Variants in ITGA11 observed in about 807,000 individuals in gnomAD.
ITGA11 encodes the protein integrin alpha-11.
Under a neutral mutation model 141.9 loss-of-function variants are expected in ITGA11, and 97 were observed. The ratio of observed to expected loss-of-function variants is 0.68; its 90% confidence interval spans 0.58 to 0.81. The LOEUF (loss-of-function observed/expected upper bound fraction) is 0.81. Among genes scored for constraint, ITGA11 ranks in the 30% least tolerant of loss-of-function variants. The pLI, the probability that ITGA11 is intolerant of heterozygous loss-of-function variation, is 0.00. For missense variants in ITGA11, 1,387 were observed against 1,559.2 expected (o/e 0.89, Z 1.86); for synonymous variants, 658 against 624.6 (o/e 1.05, Z -0.80).
Position 68,326,890 on chromosome 15 carries a change from G to A in ITGA11, c.2069-94C>T, listed in dbSNP as rs1458154206. On this transcript the variant is annotated intron_variant, in intron 16 of 29. Transcript: ENST00000315757. This position sits in a 1 kb window ranked among gnomAD's most constrained non-coding sequence, Gnocchi z 6.8. Reference sequence around the variant, plus strand: ...CCAGGAAGCCCCCCAGGCTGGCCAGGGGAGAGCTGTTCCTTTCCTCTCACG... The same window carrying A: ...CCAGGAAGCCCCCCAGGCTGGCCAGAGGAGAGCTGTTCCTTTCCTCTCACG... 1.5e-6 allele frequency: 2 copies of A among 1,377,696 alleles called. No homozygotes were observed. The highest frequency in any genetic ancestry group is 5.1e-5 in the East Asian group (2 of 39,300). 85.3% of individuals were successfully genotyped at this position (1,377,696 alleles called of 1,614,324 possible). A position where few individuals can be genotyped will look rare whatever the true frequency, so the allele number is the denominator to read the frequency against.
chr15:68,314,130 C>T (rs188215486), intron 22 of ITGA11, among the ~76,000 whole-genome samples: 49 of 152,302 alleles, frequency 3.2e-4, no homozygotes, highest in African/African-American at 1.2e-3. Flanking sequence ...TGTGCCTGGC[C>T]TGGCACGGAC....
chr15:68,382,324 C>T (rs73431892), intron 2 of ITGA11, among the ~76,000 whole-genome samples: 13,254 of 152,196 alleles, frequency 0.087, 901 homozygotes, highest in African/African-American at 0.19. Context: ...TGAGCCATCC[C>T]GGAGCTGGGC....
Position 68,319,936 on chromosome 15 carries a change from A to AT in ITGA11, c.2616+248dup, listed in dbSNP as rs3837690. ...GCAGGCTTTTTAAAGCTCTCCTGTG[A>AT]TTTTTTTTTTTATTTAATTACTTTA... On this transcript the variant is annotated intron_variant, in intron 20 of 29. Coordinates refer to ENST00000315757, the MANE Select transcript of ITGA11 (RefSeq NM_001004439.2). 3.6e-3 allele frequency among the ~76,000 whole-genome samples: 541 copies of AT among 148,668 alleles called. 13 individuals carry two copies. In the East Asian group the frequency reaches 0.062, roughly 17 times the overall value.
chr15:68,403,931 C>A (rs1017977842), intron 1 of ITGA11, among the ~76,000 whole-genome samples: 1 of 152,120 alleles, frequency 6.6e-6, no homozygotes, highest in Non-Finnish European at 1.5e-5. Context: ...AGACCCTGTA[C>A]ATGGATAGGG....
chr15:68,418,778 TCAGA>T (rs1214350947), intron 1 of ITGA11, among the ~76,000 whole-genome samples: 4 of 151,714 alleles, frequency 2.6e-5, no homozygotes, highest in South Asian at 4.2e-4. Flanking sequence ...CTCAAAGAGC[TCAGA>T]CAGTTTGGTT....
chr15:68,432,047 A>G lies in ITGA11; in HGVS notation c.20T>C (p.Leu7Pro), dbSNP rs1897281562. ...CAGGCTGAGCGCCCAGGCCACCACC[A>G]GGCCCCTGGGCAGGTCCATGGCCCG... The part of the protein sequence containing the change: MDLPRG[L>P]VVAWALSLWP... The change falls in exon 1 of 30, where the codon CTG (leucine) becomes CCG (proline). Residue 7 changes from leucine to proline, a missense_variant. Leu to Pro is a moderately conservative substitution (Grantham distance 98, BLOSUM62 -3). Transcript: ENST00000315757. 1 of 1,348,536 alleles carries G rather than the reference A, an allele frequency of 7.4e-7. No individual in the cohort carries two copies. The highest frequency in any genetic ancestry group is 9.5e-7 in the Non-Finnish European group (1 of 1,048,730). The allele number at this position is 1,348,536 out of a possible 1,614,324, so 83.5% of individuals were successfully genotyped here. A position where few individuals can be genotyped will look rare whatever the true frequency, so the allele number is the denominator to read the frequency against.
chr15:68,372,104 G>A (rs1370930714), intron 2 of ITGA11, among the ~76,000 whole-genome samples: 1 of 152,184 alleles, frequency 6.6e-6, no homozygotes, highest in Non-Finnish European at 1.5e-5. Flanking sequence ...GTTCTCCTGG[G>A]ACAGCTTCCT....
intron 1 of ITGA11, among the ~76,000 whole-genome samples, chr15:68,418,578 C>G (rs1377568246): frequency 7.0e-6 from 1 of 143,064 alleles, no homozygotes; most frequent in Non-Finnish European, 1.5e-5. Flanking sequence ...CCCCCCCACC[C>G]CCTTCCTGAG....
rs551361109 is a variant in ITGA11, at chr15:68,320,107, T to C, written c.2616+78A>G. Reference sequence around the variant, plus strand: ...ATCCAGCTTTCTTGTGATTCCAACATGTAGCCAGGAGCCCACCTGGCCTTC... The same window carrying C: ...ATCCAGCTTTCTTGTGATTCCAACACGTAGCCAGGAGCCCACCTGGCCTTC... On this transcript the variant is annotated intron_variant, in intron 20 of 29. Coordinates refer to ENST00000315757, the MANE Select transcript of ITGA11 (RefSeq NM_001004439.2). 4.4e-5 allele frequency: 55 copies of C among 1,262,992 alleles called. No homozygotes were observed. In the African/African-American group the frequency reaches 6.9e-4, roughly 16 times the overall value. The allele number at this position is 1,262,992 out of a possible 1,614,324, so 78.2% of individuals were successfully genotyped here.
chr15:68,370,981 T>G (rs8030943), intron 2 of ITGA11, among the ~76,000 whole-genome samples: 1 of 152,214 alleles, frequency 6.6e-6, no homozygotes, highest in East Asian at 1.9e-4. Context: ...GTGGGAGTTA[T>G]AGAACTCTGT....
intron 1 of ITGA11, among the ~76,000 whole-genome samples, chr15:68,406,726 G>A (rs921450429): frequency 6.6e-6 from 1 of 152,192 alleles, no homozygotes; most frequent in South Asian, 2.1e-4. Flanking sequence ...CCAGCTCGTA[G>A]ATACTGGTTG....
At chr15:68,367,953 C>T (rs549893967) in intron 3 of ITGA11, among the ~76,000 whole-genome samples, 1 of 152,228 alleles carries the variant, frequency 6.6e-6, no homozygotes, top group Non-Finnish European at 1.5e-5. Flanking sequence ...GCACCCTCTT[C>T]CCTTAGACGA....
chr15:68,429,660 G>A (rs1324016502), intron 1 of ITGA11, among the ~76,000 whole-genome samples: 2 of 152,174 alleles, frequency 1.3e-5, no homozygotes, highest in East Asian at 1.9e-4. Flanking sequence ...ATGCATGGAT[G>A]AGGTATCAAC....
At chr15:68,343,021 C>CTG (rs1271478393) in intron 10 of ITGA11, among the ~76,000 whole-genome samples, 2 of 150,596 alleles carry the variant, frequency 1.3e-5, no homozygotes, top group Non-Finnish European at 3.0e-5. Flanking sequence ...CTCTCTCTCT[C>CTG]TCTCTCTCTC....
chr15:68,302,980 G>T lies in ITGA11; in HGVS notation c.*79C>A. 1 of 1,212,820 alleles carries T rather than the reference G, an allele frequency of 8.2e-7. No individual in the cohort carries two copies. Among genetic ancestry groups the T allele is most frequent in the Non-Finnish European group, 1.2e-6 (1 of 863,390 alleles). 75.1% of individuals were successfully genotyped at this position (1,212,820 alleles called of 1,614,324 possible). ...CTGGCTTCCTCTCCGCTCCAGCTCG[G>T]TGGGGCCACAGGCCTGGGTCTCAAC... On this transcript the variant is annotated 3_prime_UTR_variant, in exon 30 of 30. Coordinates refer to ENST00000315757, the MANE Select transcript of ITGA11 (RefSeq NM_001004439.2).
chr15:68,402,190 C>A lies in ITGA11; in HGVS notation c.164+728G>T, dbSNP rs567407218. Among the ~76,000 whole-genome samples the A allele has an allele frequency of 4.1e-5, 6 of 145,140 alleles. No individual in the cohort carries two copies. The East Asian group carries it at 1.2e-3, about 29-fold the overall frequency. On this transcript the variant is annotated intron_variant, in intron 2 of 29. Coordinates refer to ENST00000315757, the MANE Select transcript of ITGA11 (RefSeq NM_001004439.2). ...TAAAAGGGCCATGCAGAGTCCTGGC[C>A]CTTTCCATCCCAGGAAGGATAGCCT...
At chr15:68,358,686 C>T (rs1290715284) in intron 5 of ITGA11, 101 bp from the exon 6 acceptor site, 1 of 1,278,852 alleles carries the variant, frequency 7.8e-7, no homozygotes, top group Non-Finnish European at 1.1e-6. Flanking sequence ...GACTCTGCTC[C>T]ATATGTGTAA....
chr15:68,311,441 T>TG, intron 24 of ITGA11, 38 bp from the exon 25 acceptor site: 1 of 1,423,718 alleles, frequency 7.0e-7, no homozygotes, highest in Non-Finnish European at 9.7e-7. Context: ...TACAGTCAGT[T>TG]GAGGGGGGTG....
intron 2 of ITGA11, among the ~76,000 whole-genome samples, chr15:68,385,166 G>A (rs528138995): frequency 6.6e-6 from 1 of 152,408 alleles, no homozygotes; most frequent in South Asian, 2.1e-4. Context: ...TGGATGTGAT[G>A]TGCTTGAGTT....
Sources: allele counts gnomAD v4.1 joint callset (sites outside exome capture counted in the v4.1 genomes callset), GRCh38; gene constraint gnomAD v4.1.1; non-coding constraint Gnocchi (gnomAD v3.1); transcripts MANE v1.5; gene names NCBI Gene and HGNC (gene_info 2026-07-23, HGNC 2026-07-21).